Variants in RIT2 observed in about 807,000 individuals in gnomAD.
The protein encoded by RIT2 is GTP-binding protein Rit2.
RIT2 carries 24 observed loss-of-function variants against 23.7 expected under a neutral mutation model. The observed-to-expected ratio is 1.01, with a 90% CI of 0.73 to 1.43. RIT2 has a LOEUF of 1.43. Ranked by LOEUF, RIT2 falls within the 40% of genes most tolerant of loss-of-function variation. The pLI is 0.00. For missense variants in RIT2, 236 were observed against 266.9 expected, an observed-to-expected ratio of 0.88 and a Z score of 0.81; for synonymous variants, 107 against 91.1, an observed-to-expected ratio of 1.17 and a Z score of -0.99.
intron 4 of RIT2, among the ~76,000 whole-genome samples, chr18:42,903,598 A>G (rs753215521): frequency 3.3e-5 from 5 of 152,272 alleles, no homozygotes; most frequent in South Asian, 2.1e-4. Flanking sequence ...AATTGCCGCT[A>G]GAATAGAAAA....
chr18:42,813,430 T>C lies in RIT2; in HGVS notation c.427-69710A>G, dbSNP rs944340205. On this transcript the variant is annotated intron_variant, in intron 4 of 4. Transcript: ENST00000326695. ...AGTATCATTGTCCATTATTCTGAAT[T>C]TTTTTGGCATTGCAGTTTTATGTTT... Among the ~76,000 whole-genome samples, 3 of 152,248 alleles carry C rather than the reference T, an allele frequency of 2.0e-5. 1 individual carries two copies. Among genetic ancestry groups the C allele is most frequent in the Admixed American group, 1.3e-4 (2 of 15,288 alleles).
intron 4 of RIT2, among the ~76,000 whole-genome samples, chr18:42,905,829 A>T (rs1395550596): frequency 6.6e-6 from 1 of 151,186 alleles, no homozygotes; most frequent in Non-Finnish European, 1.5e-5. Flanking sequence ...AGAATCTAGG[A>T]TGTCGATAAA....
chr18:42,837,359 A>G (rs1245152638), intron 4 of RIT2, among the ~76,000 whole-genome samples: 1 of 150,786 alleles, frequency 6.6e-6, no homozygotes, highest in Non-Finnish European at 1.5e-5. Flanking sequence ...AGTAGAGATG[A>G]GGTTTCATCT....
At chr18:42,844,217 A>G (rs1906846241) in intron 4 of RIT2, among the ~76,000 whole-genome samples, 1 of 152,154 alleles carries the variant, frequency 6.6e-6, no homozygotes, top group South Asian at 2.1e-4. Flanking sequence ...GGGGCATGTT[A>G]TAATGCTCTC....
chr18:42,993,193 C>G (rs567412004), intron 2 of RIT2, among the ~76,000 whole-genome samples: 2 of 152,168 alleles, frequency 1.3e-5, no homozygotes, highest in Non-Finnish European at 2.9e-5. Context: ...TGCCCACAGC[C>G]CAGGATTCCT....
chr18:42,819,408 CA>C (rs1376579100), intron 4 of RIT2, among the ~76,000 whole-genome samples: 2 of 151,852 alleles, frequency 1.3e-5, no homozygotes, highest in African/African-American at 4.8e-5. Context: ...TGTTCATTTC[CA>C]AAGAATATCA....
At chr18:42,839,372 G>A (rs906806500) in intron 4 of RIT2, among the ~76,000 whole-genome samples, 3 of 152,074 alleles carry the variant, frequency 2.0e-5, no homozygotes, top group African/African-American at 4.8e-5. Flanking sequence ...AGAGGTATGG[G>A]AATTTCTTGA....
At chr18:43,074,598 T>A (rs911114992) in intron 1 of RIT2, among the ~76,000 whole-genome samples, 2 of 152,168 alleles carry the variant, frequency 1.3e-5, no homozygotes, top group Non-Finnish European at 2.9e-5. Flanking sequence ...CATGTACATA[T>A]ATGTTCATTG....
intron 4 of RIT2, among the ~76,000 whole-genome samples, chr18:42,877,329 A>C (rs2144072763): frequency 6.6e-6 from 1 of 151,662 alleles, no homozygotes; most frequent in African/African-American, 2.4e-5. Flanking sequence ...GTGACTTTAA[A>C]ATTTTAAATA....
intron 3 of RIT2, among the ~76,000 whole-genome samples, chr18:42,965,627 A>G (rs1488456425): frequency 1.3e-5 from 2 of 151,056 alleles, no homozygotes; most frequent in Non-Finnish European, 2.9e-5. Flanking sequence ...GGAAGAAAAA[A>G]CTTTTTGTGC....
At chr18:42,843,024 T>C (rs573129862) in intron 4 of RIT2, among the ~76,000 whole-genome samples, 1 of 152,204 alleles carries the variant, frequency 6.6e-6, no homozygotes, top group Non-Finnish European at 1.5e-5. Context: ...TCAACTAAAG[T>C]CAACATTTTT....
At chr18:43,097,017 T>C (rs868230734) in intron 1 of RIT2, among the ~76,000 whole-genome samples, 1 of 152,008 alleles carries the variant, frequency 6.6e-6, no homozygotes, top group African/African-American at 2.4e-5. Context: ...TAGTTTAGAA[T>C]TAGAAGAAAC....
chr18:42,808,126 G>T (rs933979709), intron 4 of RIT2, among the ~76,000 whole-genome samples: 2 of 152,180 alleles, frequency 1.3e-5, no homozygotes, highest in South Asian at 2.1e-4. Context: ...TTTCAAGGTT[G>T]TTTTGCTCAA....
At chr18:42,926,143 T>C (rs528441618) in intron 3 of RIT2, among the ~76,000 whole-genome samples, 4 of 151,936 alleles carry the variant, frequency 2.6e-5, no homozygotes, top group African/African-American at 9.6e-5. Flanking sequence ...ATTTTACTTT[T>C]GAGAAATATT....
chr18:42,777,770 G>A (rs1913708303), intron 4 of RIT2, among the ~76,000 whole-genome samples: 1 of 152,150 alleles, frequency 6.6e-6, no homozygotes, highest in Non-Finnish European at 1.5e-5. Context: ...CTCCATTGAA[G>A]AGGCTAGTTG....
intron 3 of RIT2, among the ~76,000 whole-genome samples, chr18:42,956,296 C>T (rs1909969401): frequency 6.6e-6 from 1 of 152,110 alleles, no homozygotes; most frequent in African/African-American, 2.4e-5. Context: ...AATAATCTAG[C>T]CAACCCTGGC....
intron 4 of RIT2, among the ~76,000 whole-genome samples, chr18:42,893,996 A>G (rs1483154422): frequency 6.6e-6 from 1 of 152,250 alleles, no homozygotes; most frequent in Admixed American, 6.5e-5. Context: ...AAAGTAATTT[A>G]CCAATTGAGA....
chr18:42,858,626 A>T (rs2144046434), intron 4 of RIT2, among the ~76,000 whole-genome samples: 1 of 152,340 alleles, frequency 6.6e-6, no homozygotes, highest in South Asian at 2.1e-4. Context: ...AAAATTGCGC[A>T]AACCTCAACA....
At chr18:42,772,589 T>A (rs1913577196) in intron 4 of RIT2, among the ~76,000 whole-genome samples, 1 of 152,224 alleles carries the variant, frequency 6.6e-6, no homozygotes, top group Non-Finnish European at 1.5e-5. Flanking sequence ...AAAACCTCTG[T>A]AATTTCTTGA....
Sources: allele counts gnomAD v4.1 joint callset (sites outside exome capture counted in the v4.1 genomes callset), GRCh38; gene constraint gnomAD v4.1.1; transcripts MANE v1.5; gene names NCBI Gene and HGNC (gene_info 2026-07-23, HGNC 2026-07-21).